LSAMP: variants seen among roughly 807,000 people sequenced by gnomAD.
The protein encoded by LSAMP is limbic system-associated membrane protein.
LSAMP carries 7 observed loss-of-function variants against 38.6 expected under a neutral mutation model. The observed-to-expected ratio is 0.18, with a 90% CI of 0.10 to 0.34. The LOEUF is 0.34. LSAMP is among the 10% of genes least tolerant of loss of function. The pLI, the probability that LSAMP is intolerant of heterozygous loss-of-function variation, is 1.00. For synonymous variants in LSAMP, 154 were observed against 166.8 expected (o/e 0.92, Z 0.59); for missense variants, 313 against 420.0 (o/e 0.75, Z 2.23).
At chr3:116,190,102 C>G (rs62269220) in intron 1 of LSAMP, among the ~76,000 whole-genome samples, 3,919 of 75,302 alleles carry the variant, frequency 0.052, 103 homozygotes, top group Non-Finnish European at 0.081. Flanking sequence ...CACACACACA[C>G]ACACACACAC....
chr3:115,839,228 C>T (rs28454854), intron 6 of LSAMP, among the ~76,000 whole-genome samples: 6 of 131,272 alleles, frequency 4.6e-5, no homozygotes, highest in African/African-American at 8.0e-5. Flanking sequence ...CTCCCTCCCT[C>T]CCTTCCTTCT....
intron 1 of LSAMP, among the ~76,000 whole-genome samples, chr3:116,398,821 C>A (rs1416220388): frequency 6.6e-6 from 1 of 152,162 alleles, no homozygotes; most frequent in Non-Finnish European, 1.5e-5. Flanking sequence ...AACGAGTTGG[C>A]AGTCTTGTGA....
At chr3:115,925,646 C>G (rs143813247) in intron 3 of LSAMP, among the ~76,000 whole-genome samples, 109 of 152,242 alleles carry the variant, frequency 7.2e-4, no homozygotes, top group African/African-American at 2.6e-3. Flanking sequence ...CTAATATGAA[C>G]TGACCCTGAA....
rs547845359 is a variant in LSAMP, at chr3:116,000,838, G to A, written c.514+18677C>T. 2.0e-5 allele frequency among the ~76,000 whole-genome samples: 3 copies of A among 152,254 alleles called. No homozygotes were observed. In the East Asian group the frequency reaches 5.8e-4, roughly 29 times the overall value. ...CCCTTTTCTAGTAGAGACCACTGATGAGGAGTTCTCATGTCAGCATTCTAA... is the reference window on the plus strand; with the variant it reads ...CCCTTTTCTAGTAGAGACCACTGATAAGGAGTTCTCATGTCAGCATTCTAA... On this transcript the variant is annotated intron_variant, in intron 3 of 6. Coordinates refer to ENST00000490035, the MANE Select transcript of LSAMP (RefSeq NM_002338.5).
chr3:116,164,572 AATATATATAT>A (rs201749997), intron 1 of LSAMP, among the ~76,000 whole-genome samples: 1 of 102,374 alleles, frequency 9.8e-6, no homozygotes, highest in Non-Finnish European at 1.9e-5. Flanking sequence ...CACTAATCCA[AATATATATAT>A]ATATATATAT....
At chr3:116,013,581 A>G (rs963802964) in intron 3 of LSAMP, among the ~76,000 whole-genome samples, 3 of 152,192 alleles carry the variant, frequency 2.0e-5, no homozygotes, top group Non-Finnish European at 4.4e-5. Flanking sequence ...ATAATGCAGT[A>G]GATACACTGT....
At chr3:116,136,035 T>A (rs1445419197) in intron 1 of LSAMP, among the ~76,000 whole-genome samples, 1 of 152,164 alleles carries the variant, frequency 6.6e-6, no homozygotes, top group East Asian at 1.9e-4. Context: ...TGAGTTATGT[T>A]TTTGAAAAGT....
chr3:116,399,219 T>TG (rs2048808614), intron 1 of LSAMP, among the ~76,000 whole-genome samples: 1 of 152,138 alleles, frequency 6.6e-6, no homozygotes, highest in Non-Finnish European at 1.5e-5. Flanking sequence ...CTAAGAATAA[T>TG]GGGGAGCAAT....
chr3:116,046,990 A>T (rs1576330968), intron 2 of LSAMP, among the ~76,000 whole-genome samples: 1 of 152,300 alleles, frequency 6.6e-6, no homozygotes, highest in Middle Eastern at 3.4e-3. Context: ...CTCCCGTTGC[A>T]AAGCACTGAG....
intron 1 of LSAMP, among the ~76,000 whole-genome samples, chr3:116,415,441 C>T (rs1382700441): frequency 2.0e-5 from 3 of 152,090 alleles, no homozygotes; most frequent in African/African-American, 4.8e-5. Context: ...GTTAAATCTG[C>T]TATGATACAG....
chr3:116,325,907 A>G (rs531764354), intron 1 of LSAMP, among the ~76,000 whole-genome samples: 1 of 152,276 alleles, frequency 6.6e-6, no homozygotes, highest in South Asian at 2.1e-4. Flanking sequence ...GAAACCTTCA[A>G]AAGAAATTGA....
intron 3 of LSAMP, among the ~76,000 whole-genome samples, chr3:115,939,380 A>G (rs1034828542): frequency 1.4e-4 from 22 of 152,126 alleles, no homozygotes; most frequent in Admixed American, 9.8e-4. Flanking sequence ...CTAAAGGGTA[A>G]TAGTTTACTT....
intron 3 of LSAMP, among the ~76,000 whole-genome samples, chr3:116,015,900 T>A (rs1414167339): frequency 6.6e-6 from 1 of 152,168 alleles, no homozygotes; most frequent in Non-Finnish European, 1.5e-5. Flanking sequence ...AATCTTCCCC[T>A]ATCCAGGGCT....
chr3:116,359,833 T>C (rs879881610), intron 1 of LSAMP, among the ~76,000 whole-genome samples: 14 of 152,262 alleles, frequency 9.2e-5, no homozygotes, highest in Admixed American at 3.3e-4. Flanking sequence ...TAACTCAAGA[T>C]GGATTAAAGA....
At chr3:116,149,053 C>T (rs1014343269) in intron 1 of LSAMP, among the ~76,000 whole-genome samples, 2 of 151,952 alleles carry the variant, frequency 1.3e-5, no homozygotes, top group Non-Finnish European at 1.5e-5. Flanking sequence ...GCGCTTCGTT[C>T]AACCTTCCAC....
intron 2 of LSAMP, among the ~76,000 whole-genome samples, chr3:116,065,965 T>C (rs1276780435): frequency 6.6e-6 from 1 of 152,240 alleles, no homozygotes; most frequent in African/African-American, 2.4e-5. Context: ...ATATAAGGTT[T>C]ATAGATAATG....
At chr3:116,404,868 C>T (rs2048882018) in intron 1 of LSAMP, among the ~76,000 whole-genome samples, 2 of 151,908 alleles carry the variant, frequency 1.3e-5, no homozygotes, top group African/African-American at 4.8e-5. Context: ...AAACATGTGA[C>T]CAATTCTGTT....
intron 1 of LSAMP, among the ~76,000 whole-genome samples, chr3:116,224,692 A>G (rs928564557): frequency 6.6e-6 from 1 of 152,220 alleles, no homozygotes; most frequent in Non-Finnish European, 1.5e-5. Context: ...AGGCTTGTCA[A>G]GCTTATACCA....
chr3:116,212,200 T>C (rs1189070365), intron 1 of LSAMP, among the ~76,000 whole-genome samples: 1 of 152,188 alleles, frequency 6.6e-6, no homozygotes, highest in Non-Finnish European at 1.5e-5. Context: ...GGAGTTGGGA[T>C]TGAGAGAATG....
Sources: gnomAD v4.1 joint callset for allele counts (sites outside exome capture counted in the v4.1 genomes callset) on GRCh38, gnomAD v4.1.1 for gene constraint, MANE v1.5 for transcripts, NCBI Gene and HGNC (gene_info 2026-07-23, HGNC 2026-07-21) for gene names.